CDH18: variants seen among roughly 807,000 people sequenced by gnomAD.
CDH18 encodes cadherin 18, also known as cadherin-18.
In CDH18, 31 loss-of-function variants were observed where a neutral mutation model predicts 67.9. That is an observed-to-expected ratio of 0.46 (90% CI 0.34 to 0.62). CDH18 has a LOEUF of 0.62. Among genes scored for constraint, CDH18 ranks in the 20% least tolerant of loss-of-function variants. The pLI is 0.01. For missense variants in CDH18, 890 were observed against 975.5 expected, an observed-to-expected ratio of 0.91 and a Z score of 1.17; for synonymous variants, 362 against 347.2, an observed-to-expected ratio of 1.04 and a Z score of -0.48.
intron 3 of CDH18, among the ~76,000 whole-genome samples, chr5:19,783,542 A>T (rs1324695641): frequency 6.6e-6 from 1 of 152,164 alleles, no homozygotes; most frequent in Non-Finnish European, 1.5e-5. Context: ...TTATATTCTA[A>T]ACTTATTTCA....
At chr5:20,015,834 G>A (rs1480502548) in intron 2 of CDH18, among the ~76,000 whole-genome samples, 1 of 152,038 alleles carries the variant, frequency 6.6e-6, no homozygotes, top group Non-Finnish European at 1.5e-5. Flanking sequence ...TTTGGAAAAA[G>A]GACGGGAAAG....
At chr5:19,751,043 G>A (rs1248139472) in intron 3 of CDH18, among the ~76,000 whole-genome samples, 2 of 152,082 alleles carry the variant, frequency 1.3e-5, no homozygotes, top group Admixed American at 1.3e-4. Flanking sequence ...CCCTAGTGAA[G>A]CAAAATGCTA....
At chr5:19,995,622 A>T (rs1402945414) in intron 2 of CDH18, among the ~76,000 whole-genome samples, 1 of 148,622 alleles carries the variant, frequency 6.7e-6, no homozygotes, top group African/African-American at 2.6e-5. Flanking sequence ...AAAAAAAAAA[A>T]ACTTTAAGCA....
Position 19,713,153 on chromosome 5 carries a change from G to A in CDH18, c.643+8194C>T, listed in dbSNP as rs192539708. ...TATTGAGATGCAGGAGGCATAGAGC[G>A]AGGTCACAAAAAAAAGAAGATTAAG... On this transcript the variant is annotated intron_variant, in intron 5 of 12. Transcript: ENST00000382275. Among the ~76,000 whole-genome samples the A allele has an allele frequency of 4.5e-4, 68 of 151,212 alleles. No individual in the cohort carries two copies. The East Asian group carries it at 7.2e-3, about 16-fold the overall frequency.
At chr5:19,917,689 T>A (rs1791981547) in intron 2 of CDH18, among the ~76,000 whole-genome samples, 1 of 152,138 alleles carries the variant, frequency 6.6e-6, no homozygotes, top group African/African-American at 2.4e-5. Flanking sequence ...CATATCATAT[T>A]AAGGCAAGAA....
chr5:19,998,942 G>GAA (rs1235111668), intron 2 of CDH18, among the ~76,000 whole-genome samples: 1 of 151,932 alleles, frequency 6.6e-6, no homozygotes, highest in African/African-American at 2.4e-5. Flanking sequence ...GAACAAGGTG[G>GAA]AATTATTTTT....
At chr5:20,555,470 T>G (rs1452583999) in intron 1 of CDH18, among the ~76,000 whole-genome samples, 1 of 128,778 alleles carries the variant, frequency 7.8e-6, no homozygotes, top group African/African-American at 2.9e-5. Context: ...TTGAGACAGA[T>G]TCTCTCACTT....
chr5:20,090,799 G>C (rs1351427269), intron 2 of CDH18, among the ~76,000 whole-genome samples: 1 of 151,982 alleles, frequency 6.6e-6, no homozygotes, highest in Non-Finnish European at 1.5e-5. Context: ...GGAGGCCAAG[G>C]CGGCCAGATC....
At chr5:19,497,814 A>T (rs143002041) in intron 11 of CDH18, among the ~76,000 whole-genome samples, 1 of 152,186 alleles carries the variant, frequency 6.6e-6, no homozygotes, top group African/African-American at 2.4e-5. Context: ...GTGTTTTTAC[A>T]ATAGTTGCTC....
At chr5:20,520,028 C>T (rs1295610133) in intron 1 of CDH18, among the ~76,000 whole-genome samples, 2 of 124,896 alleles carry the variant, frequency 1.6e-5, no homozygotes. Context: ...TCTCGAACTC[C>T]TGAGCTAGGT....
chr5:20,429,941 T>A (rs959079120), intron 1 of CDH18, among the ~76,000 whole-genome samples: 1 of 152,186 alleles, frequency 6.6e-6, no homozygotes, highest in African/African-American at 2.4e-5. Context: ...CTTCTTATAG[T>A]GATATTTTTG....
chr5:19,696,248 T>G (rs1762521174), intron 5 of CDH18, among the ~76,000 whole-genome samples: 1 of 48,178 alleles, frequency 2.1e-5, no homozygotes, highest in Non-Finnish European at 5.4e-5. Context: ...TGTGTGTGTG[T>G]GTGTGTGTGT....
At chr5:19,624,586 T>C (rs527533277) in intron 5 of CDH18, among the ~76,000 whole-genome samples, 2 of 152,304 alleles carry the variant, frequency 1.3e-5, no homozygotes, top group East Asian at 3.9e-4. Context: ...CAGAACTTTA[T>C]ACACCCTCCT....
chr5:19,500,641 C>T (rs555108259), intron 11 of CDH18, among the ~76,000 whole-genome samples: 22 of 152,262 alleles, frequency 1.4e-4, no homozygotes, highest in African/African-American at 4.8e-4. Flanking sequence ...ATCTTTAGCA[C>T]TATGCAACCA....
At chr5:19,512,670 A>G (rs977498216) in intron 10 of CDH18, among the ~76,000 whole-genome samples, 2 of 152,182 alleles carry the variant, frequency 1.3e-5, no homozygotes, top group African/African-American at 4.8e-5. Context: ...ACCTGCGTAT[A>G]GCAGCATTGT....
chr5:19,571,873 A>G, intron 7 of CDH18, 41 bp from the exon 8 acceptor site: 1 of 1,515,564 alleles, frequency 6.6e-7, no homozygotes, highest in Non-Finnish European at 9.0e-7. Context: ...TTATAAAAAA[A>G]GTCATATTAT....
chr5:20,539,542 T>C (rs1198903239), intron 1 of CDH18, among the ~76,000 whole-genome samples: 2 of 152,140 alleles, frequency 1.3e-5, no homozygotes, highest in African/African-American at 2.4e-5. Flanking sequence ...TGGGTTGTTA[T>C]ATTTGGAGGT....
chr5:20,424,480 G>C (rs569081197), intron 1 of CDH18, among the ~76,000 whole-genome samples: 1 of 150,358 alleles, frequency 6.7e-6, no homozygotes, highest in Non-Finnish European at 1.5e-5. Context: ...GGCCTGGTGC[G>C]GTGGCTGACA....
intron 5 of CDH18, among the ~76,000 whole-genome samples, chr5:19,681,096 A>T (rs192396809): frequency 6.6e-5 from 10 of 152,120 alleles, no homozygotes; most frequent in African/African-American, 2.4e-4. Flanking sequence ...AAAGAACAAG[A>T]TCATGTTCTT....
Sources: allele counts gnomAD v4.1 joint callset (sites outside exome capture counted in the v4.1 genomes callset), GRCh38; gene constraint gnomAD v4.1.1; transcripts MANE v1.5; gene names NCBI Gene and HGNC (gene_info 2026-07-23, HGNC 2026-07-21).